The following FHL5 variants were observed in gnomAD, a reference collection of about 807,000 sequenced individuals.
FHL5 encodes four and a half LIM domains protein 5.
FHL5 carries 33 observed loss-of-function variants against 32.0 expected under a neutral mutation model. The observed-to-expected ratio is 1.03, with a 90% CI of 0.78 to 1.38. The LOEUF (loss-of-function observed/expected upper bound fraction) is 1.38, where lower values mean the gene tolerates loss of function less well. FHL5 is among the 40% of genes most tolerant of loss of function. The pLI is 0.00. For synonymous variants in FHL5, 114 were observed against 113.6 expected (o/e 1.00, Z -0.02); for missense variants, 336 against 343.9 (o/e 0.98, Z 0.18).
At chr6:96,599,191 C>CT (rs67400814) in intron 1 of FHL5, among the ~76,000 whole-genome samples, 1,511 of 111,528 alleles carry the variant, frequency 0.014, 44 homozygotes, top group African/African-American at 0.035. Context: ...GAACTTACAT[C>CT]TTTTTTTTTT....
chr6:96,564,750 G>A (rs1009960955), intron 1 of FHL5, among the ~76,000 whole-genome samples: 85 of 152,200 alleles, frequency 5.6e-4, no homozygotes, highest in Middle Eastern at 3.4e-3. Flanking sequence ...ACTTGGGTTC[G>A]CATGGGAAGC....
At chr6:96,584,454 TG>T (rs1469766857) in intron 1 of FHL5, among the ~76,000 whole-genome samples, 1,843 of 149,028 alleles carry the variant, frequency 0.012, 33 homozygotes, top group African/African-American at 0.044. Flanking sequence ...TGTGTGTGTG[TG>T]TGTGTTTGTG....
intron 1 of FHL5, among the ~76,000 whole-genome samples, chr6:96,565,429 T>G (rs1054585275): frequency 3.3e-5 from 5 of 152,148 alleles, no homozygotes; most frequent in Non-Finnish European, 7.3e-5. Context: ...TTATAGAATT[T>G]TATATTAGAA....
At chr6:96,607,979 G>C (rs939268194) in intron 4 of FHL5, among the ~76,000 whole-genome samples, 1 of 152,012 alleles carries the variant, frequency 6.6e-6, no homozygotes, top group African/African-American at 2.4e-5. Flanking sequence ...GTGACAATGA[G>C]ATCCTATCTC....
intron 1 of FHL5, among the ~76,000 whole-genome samples, chr6:96,577,401 T>C (rs753058775): frequency 4.5e-4 from 68 of 151,616 alleles, no homozygotes; most frequent in Non-Finnish European, 1.9e-4. Flanking sequence ...GTACACATTC[T>C]CACAAATACA....
intron 5 of FHL5, among the ~76,000 whole-genome samples, chr6:96,611,053 A>G (rs1771396473): frequency 6.6e-6 from 1 of 152,234 alleles, no homozygotes; most frequent in Non-Finnish European, 1.5e-5. Flanking sequence ...CTGAGAGGTT[A>G]GTGCAGGCCT....
intron 1 of FHL5, among the ~76,000 whole-genome samples, chr6:96,586,579 G>GC (rs1423848267): frequency 6.6e-6 from 1 of 152,150 alleles, no homozygotes; most frequent in Non-Finnish European, 1.5e-5. Context: ...TAGGGACAAT[G>GC]CCCCAAAGAA....
At chr6:96,580,035 A>G (rs1292513019) in intron 1 of FHL5, among the ~76,000 whole-genome samples, 1 of 152,244 alleles carries the variant, frequency 6.6e-6, no homozygotes, top group Admixed American at 6.5e-5. Flanking sequence ...GTATCCTTCA[A>G]CTTGGCCCAC....
At position 96,580,311 on chromosome 6, in the gene FHL5, G is replaced by T. The variant is rs572945389; in HGVS notation, c.-13+16956G>T. On this transcript the variant is annotated intron_variant, in intron 1 of 5. Coordinates refer to ENST00000450218, the MANE Select transcript of FHL5 (RefSeq NM_001322466.2). ...GATCACCCAGTATACAATGGCTATT[G>T]CTTGGCTCTAATTGAAGTATAGAAA... Among the ~76,000 whole-genome samples, 40 of 152,260 alleles carry T rather than the reference G, an allele frequency of 2.6e-4. No individual in the cohort carries two copies. The South Asian group carries it at 4.8e-3, about 18-fold the overall frequency.
At chr6:96,581,293 G>T (rs1273814901) in intron 1 of FHL5, among the ~76,000 whole-genome samples, 3 of 152,000 alleles carry the variant, frequency 2.0e-5, no homozygotes, top group Non-Finnish European at 2.9e-5. Flanking sequence ...TAACATCTAG[G>T]AAAATAAAAT....
At chr6:96,578,215 C>A (rs1258432970) in intron 1 of FHL5, among the ~76,000 whole-genome samples, 1 of 152,168 alleles carries the variant, frequency 6.6e-6, no homozygotes, top group Non-Finnish European at 1.5e-5. Context: ...TCTTCCCCTC[C>A]TTTCCTCTTT....
intron 1 of FHL5, among the ~76,000 whole-genome samples, chr6:96,597,460 A>G (rs1387106644): frequency 2.0e-5 from 3 of 152,140 alleles, no homozygotes; most frequent in African/African-American, 7.2e-5. Flanking sequence ...TGTTTATGGT[A>G]TATCTATCTT....
In FHL5 at chr6:96,610,758, G is replaced by A. The variant is rs770533132; in HGVS notation, c.691G>A (p.Gly231Ser). 1.2e-6 allele frequency: 2 copies of A among 1,606,692 alleles called. No homozygotes were observed. Among genetic ancestry groups the A allele is most frequent in the Non-Finnish European group, 1.7e-6 (2 of 1,174,630 alleles). The part of the protein sequence containing the change: ...KCVACSKPIS[G>S]LTGAKFICFQ... ...TGTAGCCTGTTCCAAACCCATTAGT[G>A]GTGAGTTCTTCAGTTCAATATGATC... Residue 231 changes from glycine to serine, a missense_variant and splice_region_variant, in exon 5 of 6, where the codon GGT (glycine) becomes AGT (serine). Coordinates refer to ENST00000450218, the MANE Select transcript of FHL5 (RefSeq NM_001322466.2).
chr6:96,610,625 T>C lies in FHL5; in HGVS notation c.558T>C (p.Cys186=). Residue 186 remains cysteine (C), a synonymous_variant, in exon 5 of 6, where the codon TGT becomes TGC. Coordinates refer to ENST00000450218, the MANE Select transcript of FHL5 (RefSeq NM_001322466.2). ...TFCDQLWHKE[C]FLCSGCRKDL... ...GTGACCAGCTATGGCATAAAGAGTGTTTTCTGTGTAGTGGCTGTAGGAAAG... is the reference window on the plus strand; with the variant it reads ...GTGACCAGCTATGGCATAAAGAGTGCTTTCTGTGTAGTGGCTGTAGGAAAG... The C allele has an allele frequency of 6.2e-7, 1 of 1,614,006 alleles. No homozygotes were observed. Among genetic ancestry groups the C allele is most frequent in the East Asian group, 2.2e-5 (1 of 44,870 alleles).
At chr6:96,589,520 T>C (rs530295911) in intron 1 of FHL5, among the ~76,000 whole-genome samples, 1 of 152,204 alleles carries the variant, frequency 6.6e-6, no homozygotes, top group South Asian at 2.1e-4. Context: ...TCTTTTGTAC[T>C]TTTATTGGGT....
At chr6:96,601,490 T>TC (rs1771148528) in intron 1 of FHL5, among the ~76,000 whole-genome samples, 1 of 152,232 alleles carries the variant, frequency 6.6e-6, no homozygotes, top group Non-Finnish European at 1.5e-5. Flanking sequence ...AAGTTACAGG[T>TC]ATTTTGATGT....
At chr6:96,585,557 G>A (rs1408383493) in intron 1 of FHL5, among the ~76,000 whole-genome samples, 1 of 151,792 alleles carries the variant, frequency 6.6e-6, no homozygotes, top group Non-Finnish European at 1.5e-5. Context: ...AGAGAAAAAA[G>A]TAATCTTAAA....
intron 3 of FHL5, 68 bp downstream of exon 3, chr6:96,604,992 G>A (rs1771242420): frequency 1.6e-6 from 2 of 1,269,442 alleles, no homozygotes; most frequent in South Asian, 1.6e-5. Context: ...CCCAGCACAT[G>A]AGGAGTGCAG....
intron 4 of FHL5, among the ~76,000 whole-genome samples, chr6:96,608,098 G>C (rs1771323119): frequency 6.6e-6 from 1 of 152,150 alleles, no homozygotes; most frequent in African/African-American, 2.4e-5. Flanking sequence ...CCAATTTTAG[G>C]CTGCATTTCT....
Sources: allele counts gnomAD v4.1 joint callset (sites outside exome capture counted in the v4.1 genomes callset), GRCh38; gene constraint gnomAD v4.1.1; transcripts MANE v1.5; gene names NCBI Gene and HGNC (gene_info 2026-07-23, HGNC 2026-07-21).